Variants in MSL2 observed in about 807,000 individuals in gnomAD.
The protein encoded by MSL2 is MSL complex subunit 2.
Under a neutral mutation model 35.8 loss-of-function variants are expected in MSL2, and 2 were observed. The ratio of observed to expected loss-of-function variants is 0.06; its 90% CI spans 0.02 to 0.18. MSL2 has a LOEUF of 0.18. MSL2 is among the 10% of genes least tolerant of loss of function. The pLI is 1.00. For synonymous variants in MSL2, 296 were observed against 255.7 expected (o/e 1.16, Z -1.50); for missense variants, 523 against 706.7 (o/e 0.74, Z 2.95).
intron 1 of MSL2, among the ~76,000 whole-genome samples, chr3:136,163,421 C>T (rs954515231): frequency 6.6e-6 from 1 of 152,116 alleles, no homozygotes; most frequent in African/African-American, 2.4e-5. Context: ...AACAAAGAAC[C>T]CCAGCAGCAA....
rs1244107504 is a variant in MSL2 at position 136,195,731 on chromosome 3, G to A, written c.-618C>T. ...CGCCGCCGCGCTCTCCATATCGGACGCGGGGCCCAGACTGCGCCCTGGCTC... is the reference window on the plus strand; with the variant it reads ...CGCCGCCGCGCTCTCCATATCGGACACGGGGCCCAGACTGCGCCCTGGCTC... On this transcript the variant is annotated 5_prime_UTR_variant, in exon 1 of 2. Coordinates refer to ENST00000309993, the MANE Select transcript of MSL2 (RefSeq NM_018133.4). 4.1e-6 allele frequency: 4 copies of A among 984,716 alleles called. No individual in the cohort carries two copies. Among genetic ancestry groups the A allele is most frequent in the Non-Finnish European group, 4.8e-6 (4 of 829,762 alleles). The allele number at this position is 984,716 out of a possible 1,614,324, so 61.0% of individuals were successfully genotyped here.
intron 1 of MSL2, among the ~76,000 whole-genome samples, chr3:136,193,360 T>G (rs558321164): frequency 3.3e-5 from 5 of 152,236 alleles, no homozygotes; most frequent in Non-Finnish European, 7.4e-5. Flanking sequence ...ACCCATCTAG[T>G]AAACAGGGGA....
chr3:136,158,054 G>A lies in MSL2; in HGVS notation c.143-5316C>T, dbSNP rs144718276. Among the ~76,000 whole-genome samples, 1,144 of 152,336 alleles carry A rather than the reference G, an allele frequency of 7.5e-3. 18 individuals are homozygous for A. Among genetic ancestry groups the A allele is most frequent in the African/African-American group, 0.026 (1,080 of 41,584 alleles). On this transcript the variant is annotated intron_variant, in intron 1 of 1. Transcript: ENST00000309993. ...CCGCCGGGAGCAGTGGCTCACGCCT[G>A]TAATCCCAACACTTTGGGAGGCCAA...
chr3:136,178,532 CTTTTTT>C (rs1180948007), intron 1 of MSL2, among the ~76,000 whole-genome samples: 3 of 134,874 alleles, frequency 2.2e-5, no homozygotes, highest in Non-Finnish European at 4.8e-5. Context: ...TTTACTGGCA[CTTTTTT>C]TTTTTTTTTT....
At chr3:136,157,668 T>C (rs1236035536) in intron 1 of MSL2, among the ~76,000 whole-genome samples, 1 of 151,960 alleles carries the variant, frequency 6.6e-6, no homozygotes, top group East Asian at 1.9e-4. Flanking sequence ...GGAGTCAGAG[T>C]ATCACTAGTG....
intron 1 of MSL2, chr3:136,194,481 G>A (rs1940779315): frequency 1.0e-6 from 1 of 985,598 alleles, no homozygotes; most frequent in South Asian, 4.7e-5. Flanking sequence ...AGGAACCTGG[G>A]GCAAAGTTCC....
chr3:136,170,360 A>AAAAAAAC (rs909439035), intron 1 of MSL2, among the ~76,000 whole-genome samples: 2 of 151,424 alleles, frequency 1.3e-5, no homozygotes, highest in Non-Finnish European at 2.9e-5. Context: ...TCTCAAAAAA[A>AAAAAAAC]AAAAACCATT....
intron 1 of MSL2, among the ~76,000 whole-genome samples, chr3:136,192,695 T>C (rs2108100071): frequency 6.6e-6 from 1 of 152,232 alleles, no homozygotes; most frequent in South Asian, 2.1e-4. Flanking sequence ...GAAAAGGTAG[T>C]AGCGGGTCAA....
intron 1 of MSL2, chr3:136,156,088 T>C (rs28519617): frequency 7.6e-6 from 2 of 263,626 alleles, no homozygotes; most frequent in Non-Finnish European, 7.6e-6. Context: ...AAATCAGCTA[T>C]ATCTCCACTG....
intron 1 of MSL2, among the ~76,000 whole-genome samples, chr3:136,160,904 C>T (rs1250379778): frequency 4.0e-5 from 6 of 151,832 alleles, no homozygotes; most frequent in African/African-American, 1.2e-4. Context: ...CTGGCCGACA[C>T]GGTGAAACCC....
At chr3:136,173,690 CCA>C (rs2108078756) in intron 1 of MSL2, among the ~76,000 whole-genome samples, 1 of 152,308 alleles carries the variant, frequency 6.6e-6, no homozygotes, top group Non-Finnish European at 1.5e-5. Flanking sequence ...AATTCATCTT[CCA>C]CACTGCCACC....
intron 1 of MSL2, 35 bp downstream of exon 1, chr3:136,194,937 A>C: frequency 6.2e-7 from 1 of 1,612,442 alleles, no homozygotes; most frequent in Non-Finnish European, 8.5e-7. Flanking sequence ...TTTTAAAAAC[A>C]AGCATTGAAA....
At chr3:136,181,051 G>A (rs746975887) in intron 1 of MSL2, among the ~76,000 whole-genome samples, 14 of 151,818 alleles carry the variant, frequency 9.2e-5, no homozygotes, top group Non-Finnish European at 1.6e-4. Context: ...TACTTAAGAG[G>A]CTGAGGCAGG....
rs148291787 is a variant in MSL2, at chr3:136,194,345, C to T, written c.142+627G>A. ...ACATCTAAAATAACCCTCGACAAAG[C>T]CAAAGTATATTAAACCACAAAATGA... On this transcript the variant is annotated intron_variant, in intron 1 of 1. Transcript: ENST00000309993. The T allele has an allele frequency of 1.7e-3, 1,589 of 926,484 alleles. 29 individuals are homozygous for T. The African/African-American group carries it at 0.027, about 16-fold the overall frequency. 57.4% of individuals were successfully genotyped at this position (926,484 alleles called of 1,614,324 possible).
Position 136,195,364 on chromosome 3 carries a change from T to C in MSL2, c.-251A>G. On this transcript the variant is annotated 5_prime_UTR_variant, in exon 1 of 2. Transcript: ENST00000309993. ...TATGAGAGAGAAACCAGCGTTCGAG[T>C]TCGTCCGGAGCGACCACAGAGCGCA... 2 of 1,252,072 alleles carry C rather than the reference T, an allele frequency of 1.6e-6. No homozygotes were observed. The highest frequency in any genetic ancestry group is 3.9e-5 in the South Asian group (2 of 50,832). The allele number at this position is 1,252,072 out of a possible 1,614,324, so 77.6% of individuals were successfully genotyped here.
rs1465048612 is a variant in MSL2 at position 136,151,007 on chromosome 3, C to T, written c.*140G>A. ...CTGCAAACTATTTCCCCGACACTAA[C>T]ACATATAACTTAGCAATGAAAACAC... is the stretch of plus-strand genomic sequence containing the variant. On this transcript the variant is annotated 3_prime_UTR_variant, in exon 2 of 2. Transcript: ENST00000309993. The surrounding 1 kb of genome is among the most constrained non-coding windows in gnomAD (Gnocchi z 5.2). The T allele has an allele frequency of 5.6e-6, 5 of 899,576 alleles. No homozygotes were observed. The Admixed American group carries it at 9.4e-5, about 17-fold the overall frequency. The allele number at this position is 899,576 out of a possible 1,614,324, so 55.7% of individuals were successfully genotyped here. A position where few individuals can be genotyped will look rare whatever the true frequency, so the allele number is the denominator to read the frequency against.
chr3:136,160,852 G>T (rs1939689516), intron 1 of MSL2, among the ~76,000 whole-genome samples: 1 of 152,112 alleles, frequency 6.6e-6, no homozygotes, highest in Non-Finnish European at 1.5e-5. Flanking sequence ...ACTTTAGGAG[G>T]ACAAGATGGG....
chr3:136,169,458 G>T (rs970788639), intron 1 of MSL2, among the ~76,000 whole-genome samples: 16 of 151,666 alleles, frequency 1.1e-4, no homozygotes, highest in South Asian at 2.1e-4. Context: ...TGTTTTTTGT[G>T]TTTTTTTTGA....
intron 1 of MSL2, among the ~76,000 whole-genome samples, chr3:136,177,680 T>TAAAAAAAAAAAAAAAAAAAAAAAAAAAAA (rs397738424): frequency 1.3e-5 from 1 of 78,504 alleles, no homozygotes; most frequent in Non-Finnish European, 2.4e-5. Flanking sequence ...CTCCGTCTCA[T>TAAAAAAAAAAAAAAAAAAAAAAAAAAAAA]AAAAAAAAAA....
Sources: gnomAD v4.1 joint callset for allele counts (sites outside exome capture counted in the v4.1 genomes callset) on GRCh38, gnomAD v4.1.1 for gene constraint, Gnocchi (gnomAD v3.1) non-coding constraint, MANE v1.5 for transcripts, NCBI Gene and HGNC (gene_info 2026-07-23, HGNC 2026-07-21) for gene names.